Variants in ALPK2 observed in about 807,000 individuals in gnomAD.
ALPK2 encodes the protein alpha-protein kinase 2.
ALPK2 carries 127 observed loss-of-function variants against 163.1 expected under a neutral mutation model. That is an observed-to-expected ratio of 0.78 (90% CI 0.67 to 0.90). ALPK2 has a LOEUF of 0.90. ALPK2 is among the 40% of genes least tolerant of loss of function. The pLI is 0.00. For synonymous variants in ALPK2, 953 were observed against 959.1 expected, an observed-to-expected ratio of 0.99 and a Z score of 0.12; for missense variants, 2,360 against 2,589.6, an observed-to-expected ratio of 0.91 and a Z score of 1.92.
intron 12 of ALPK2, among the ~76,000 whole-genome samples, chr18:58,484,189 C>T (rs1426446611): frequency 6.6e-6 from 1 of 152,148 alleles, no homozygotes; most frequent in Non-Finnish European, 1.5e-5. Flanking sequence ...TTTCATTTGT[C>T]TATTTTTGTG....
intron 3 of ALPK2, among the ~76,000 whole-genome samples, chr18:58,594,445 A>T (rs1404371203): frequency 1.3e-5 from 2 of 152,190 alleles, no homozygotes; most frequent in African/African-American, 4.8e-5. Context: ...CTTAAGGAGC[A>T]TTGTGACAAT....
intron 3 of ALPK2, among the ~76,000 whole-genome samples, chr18:58,599,836 C>G (rs2052059799): frequency 6.6e-6 from 1 of 152,072 alleles, no homozygotes; most frequent in South Asian, 2.1e-4. Context: ...GATGAGAAAA[C>G]TGAGACATAG....
chr18:58,486,920 G>C (rs2051341719), intron 12 of ALPK2, among the ~76,000 whole-genome samples: 1 of 152,222 alleles, frequency 6.6e-6, no homozygotes, highest in Non-Finnish European at 1.5e-5. Context: ...CTCTACCCAA[G>C]CAATGGGAAG....
intron 11 of ALPK2, among the ~76,000 whole-genome samples, chr18:58,500,695 C>T (rs531302005): frequency 2.0e-4 from 31 of 151,694 alleles, no homozygotes; most frequent in Non-Finnish European, 4.6e-4. Context: ...GAGGCCCAGG[C>T]AGGTGGATCG....
chr18:58,597,567 G>A (rs1028499993), intron 3 of ALPK2, among the ~76,000 whole-genome samples: 1 of 152,204 alleles, frequency 6.6e-6, no homozygotes, highest in African/African-American at 2.4e-5. Context: ...TCTGGCTTGA[G>A]AGCTGAGTAT....
intron 6 of ALPK2, among the ~76,000 whole-genome samples, chr18:58,528,097 T>G (rs142660277): frequency 1.9e-3 from 284 of 152,322 alleles, no homozygotes; most frequent in African/African-American, 6.5e-3. Flanking sequence ...AAGCTTGAAT[T>G]CATCAGTTCA....
At chr18:58,562,633 C>T (rs1380281652) in intron 4 of ALPK2, among the ~76,000 whole-genome samples, 1 of 152,216 alleles carries the variant, frequency 6.6e-6, no homozygotes, top group East Asian at 1.9e-4. Context: ...TTACCTGGAG[C>T]TGTGGATGTA....
In ALPK2 at chr18:58,537,474, C is replaced by T; in HGVS notation, c.2713G>A (p.Gly905Ser). 6.2e-7 allele frequency: 1 copy of T among 1,611,778 alleles called. No homozygotes were observed. Among genetic ancestry groups the T allele is most frequent in the Non-Finnish European group, 8.5e-7 (1 of 1,178,356 alleles). Residue 905 changes from glycine to serine, a missense_variant, in exon 5 of 13, where the codon GGT (glycine) becomes AGT (serine). By Grantham distance (56) the Gly-to-Ser change is moderately conservative. Coordinates refer to ENST00000361673, the MANE Select transcript of ALPK2 (RefSeq NM_052947.4). ...TTGGCTAGATTTTCTCCTGTGGCAC[C>T]TTCACTAGCTGTGTGTGAAATGTTC... ...TLNISHTASE[G>S]ATGENLAKVE...
In ALPK2 at chr18:58,572,879, C is replaced by G. The variant is rs80238083; in HGVS notation, c.1962+5935G>C. Among the ~76,000 whole-genome samples the G allele has an allele frequency of 9.0e-3, 1,377 of 152,216 alleles. 15 individuals are homozygous for G. The highest frequency in any genetic ancestry group is 0.03 in the African/African-American group (1,262 of 41,540). On this transcript the variant is annotated intron_variant, in intron 4 of 12. Transcript: ENST00000361673. ...CACATACGAGTACAACTGGGGAAAT[C>G]CAAATTACATCAGTAGATTGTATCA... is the stretch of plus-strand genomic sequence containing the variant.
intron 5 of ALPK2, among the ~76,000 whole-genome samples, chr18:58,531,287 C>T (rs1479617017): frequency 1.3e-5 from 2 of 152,068 alleles, no homozygotes; most frequent in Non-Finnish European, 2.9e-5. Flanking sequence ...CTAACTCCCG[C>T]CCCACCAGTT....
Position 58,579,084 on chromosome 18 carries a change from G to C in ALPK2, c.1692C>G (p.Leu564=), listed in dbSNP as rs1444678556. ...RESTTEGTLH[L]CSAKESAEPP... The stretch of plus-strand genomic sequence containing the variant: ...GCTCAGCAGATTCTTTGGCAGAGCA[G>C]AGATGAAGGGTACCTTCTGTTGTAC... Residue 564 remains leucine (L), a synonymous_variant, in exon 4 of 13, where the codon CTC becomes CTG. Coordinates refer to ENST00000361673, the MANE Select transcript of ALPK2 (RefSeq NM_052947.4). 1.2e-6 allele frequency: 2 copies of C among 1,614,122 alleles called. No individual in the cohort carries two copies. The highest frequency in any genetic ancestry group is 1.7e-6 in the Non-Finnish European group (2 of 1,180,048).
intron 1 of ALPK2, among the ~76,000 whole-genome samples, chr18:58,625,613 C>T (rs1180959430): frequency 6.6e-6 from 1 of 152,218 alleles, no homozygotes; most frequent in Non-Finnish European, 1.5e-5. Context: ...AGTTTAAGAA[C>T]CGCTGGACTC....
intron 3 of ALPK2, among the ~76,000 whole-genome samples, chr18:58,592,620 G>A (rs544072028): frequency 1.1e-4 from 16 of 152,300 alleles, no homozygotes; most frequent in East Asian, 1.9e-4. Context: ...GAGGAGCTCC[G>A]GTGTGGAGGG....
intron 10 of ALPK2, among the ~76,000 whole-genome samples, chr18:58,514,697 A>C (rs1238147901): frequency 6.6e-6 from 1 of 152,030 alleles, no homozygotes; most frequent in South Asian, 2.1e-4. Flanking sequence ...TTTCTTTTCT[A>C]TTTAACATGG....
At chr18:58,506,245 G>C (rs2051461291) in intron 10 of ALPK2, among the ~76,000 whole-genome samples, 1 of 151,800 alleles carries the variant, frequency 6.6e-6, no homozygotes. Context: ...GGGTAAGGTT[G>C]AAAAACTACC....
In ALPK2 at chr18:58,536,767, C is replaced by T; in HGVS notation, c.3420G>A (p.Gln1140=). 1.2e-6 allele frequency: 2 copies of T among 1,614,210 alleles called. No homozygotes were observed. The highest frequency in any genetic ancestry group is 1.7e-6 in the Non-Finnish European group (2 of 1,180,032). ...AAAGAGAACCCTGCTGGGACAGGCT[C>T]TGCTGCTGGACCCCCTGCTTTGTTT... The part of the protein sequence containing the change: ...GSETKQGVQQ[Q]SLSQQGSLSA... Residue 1140 remains glutamine (Q), a synonymous_variant, in exon 5 of 13, where the codon CAG becomes CAA. Transcript: ENST00000361673.
chr18:58,537,635 T>G lies in ALPK2; in HGVS notation c.2552A>C (p.Asp851Ala), dbSNP rs1034643931. Residue 851 changes from aspartate to alanine, a missense_variant, in exon 5 of 13, where the codon GAT becomes GCT. Physicochemically the swap from Asp to Ala is moderately radical, Grantham distance 126. Transcript: ENST00000361673. ...ELAEGQNKVS[D>A]LCSSNDKTLE... ...TGTCTTGTCATTAGAAGAACATAAA[T>G]CAGATACTTTGTTTTGACCTTCTGC... The G allele has an allele frequency of 6.2e-7, 1 of 1,613,418 alleles. No individual in the cohort carries two copies. Among genetic ancestry groups the G allele is most frequent in the Non-Finnish European group, 8.5e-7 (1 of 1,179,520 alleles).
At chr18:58,519,169 A>G (rs1300336759) in intron 8 of ALPK2, among the ~76,000 whole-genome samples, 1 of 152,216 alleles carries the variant, frequency 6.6e-6, no homozygotes, top group African/African-American at 2.4e-5. Flanking sequence ...CACAGATTTT[A>G]CTCTAAGTAA....
At position 58,535,292 on chromosome 18, in the gene ALPK2, A is replaced by G; in HGVS notation, c.4895T>C (p.Ile1632Thr). 2 of 1,614,160 alleles carry G rather than the reference A, an allele frequency of 1.2e-6. No individual in the cohort carries two copies. Among genetic ancestry groups the G allele is most frequent in the Non-Finnish European group, 8.5e-7 (1 of 1,180,028 alleles). ...LISHKMEEPKIEVLQIGETKP... is the reference protein window; with the variant it reads ...LISHKMEEPKTEVLQIGETKP... Reference sequence around the variant, plus strand: ...GGTTTCCCCAATTTGAAGCACCTCTATTTTAGGTTCCTCCATTTTGTGGCT... The same window carrying G: ...GGTTTCCCCAATTTGAAGCACCTCTGTTTTAGGTTCCTCCATTTTGTGGCT... The change falls in exon 5 of 13, where the codon ATA becomes ACA. Residue 1632 changes from isoleucine to threonine, a missense_variant. Physicochemically the swap from Ile to Thr is moderately conservative, Grantham distance 89. Transcript: ENST00000361673.
Sources: allele counts gnomAD v4.1 joint callset (sites outside exome capture counted in the v4.1 genomes callset), GRCh38; gene constraint gnomAD v4.1.1; transcripts MANE v1.5; gene names NCBI Gene and HGNC (gene_info 2026-07-23, HGNC 2026-07-21).